The following TET3 variants were observed in gnomAD, a reference collection of about 807,000 sequenced individuals.
TET3 encodes tet methylcytosine dioxygenase 3, also known as methylcytosine dioxygenase TET3.
TET3 carries 19 observed loss-of-function variants against 141.4 expected under a neutral mutation model. The observed-to-expected ratio is 0.13, with a 90% confidence interval of 0.09 to 0.20. The LOEUF (loss-of-function observed/expected upper bound fraction) is 0.20, where lower values mean the gene tolerates loss of function less well. Ranked by LOEUF, TET3 falls within the 10% of genes least tolerant of loss-of-function variation. The probability of loss-of-function intolerance (pLI) is 1.00; values close to 1 mark genes in which losing one functional copy is unlikely to be tolerated. For synonymous variants in TET3, 1,043 were observed against 980.9 expected, an observed-to-expected ratio of 1.06 and a Z score of -1.18; for missense variants, 1,874 against 2,356.9, an observed-to-expected ratio of 0.80 and a Z score of 4.24.
At chr2:74,132,058 G>A in the TET3 span, among the ~76,000 whole-genome samples, 6 of 152,246 alleles carry the variant, frequency 3.9e-5, no homozygotes, top group South Asian at 1.2e-3. Flanking sequence ...GTTCCTAGGC[G>A]GCTTGGCCCA....
chr2:74,087,412 A>G lies in TET3; in HGVS notation c.2680-418A>G, dbSNP rs544033188. On this transcript the variant is annotated intron_variant, in intron 6 of 11. Transcript: ENST00000409262. The surrounding 1 kb of genome is among the most constrained non-coding windows in gnomAD (Gnocchi z 4.3). The stretch of plus-strand genomic sequence containing the variant: ...TGCCAGACTGTTTTCCACAGTGCCA[A>G]GCCCCTTGCATGTTAACTAAAAACA... Among the ~76,000 whole-genome samples the G allele has an allele frequency of 4.6e-5, 7 of 152,292 alleles. No individual in the cohort carries two copies. The South Asian group carries it at 1.5e-3, about 32-fold the overall frequency.
chr2:74,022,916 C>T (rs1686131913), intron 3 of TET3, among the ~76,000 whole-genome samples: 1 of 152,158 alleles, frequency 6.6e-6, no homozygotes, highest in South Asian at 2.1e-4. Flanking sequence ...GCTGGGACTA[C>T]AGGCACTCGC....
intron 4 of TET3, among the ~76,000 whole-genome samples, chr2:74,054,206 GCCAGAGAAA>G (rs1321803249): frequency 1.3e-5 from 2 of 152,128 alleles, no homozygotes; most frequent in African/African-American, 4.8e-5. Context: ...TGATACCAAA[GCCAGAGAAA>G]CCAGTTTGTA....
At position 74,071,309 on chromosome 2, in the gene TET3, A is replaced by G. The variant is rs577851158; in HGVS notation, c.2495-2240A>G. 2.6e-5 allele frequency among the ~76,000 whole-genome samples: 4 copies of G among 152,284 alleles called. No individual in the cohort carries two copies. In the South Asian group the frequency reaches 8.3e-4, roughly 32 times the overall value. Reference sequence around the variant, plus strand: ...AACATACAAATTTGGGAGGGACACAAACCTTCAGTCCACAGCAGGCTGTCT... The same window carrying G: ...AACATACAAATTTGGGAGGGACACAGACCTTCAGTCCACAGCAGGCTGTCT... On this transcript the variant is annotated intron_variant, in intron 4 of 11. Transcript: ENST00000409262.
the TET3 span, among the ~76,000 whole-genome samples, chr2:74,128,593 A>T: frequency 2.0e-5 from 3 of 152,148 alleles, no homozygotes; most frequent in Admixed American, 2.0e-4. Flanking sequence ...AATCAGGGAA[A>T]CTGGATGTGG....
chr2:74,085,531 G>A (rs899365992), intron 6 of TET3, among the ~76,000 whole-genome samples: 5 of 152,258 alleles, frequency 3.3e-5, no homozygotes, highest in Admixed American at 3.3e-4. Context: ...CTCTAAGGCA[G>A]TGGTCCCTAA....
At chr2:74,014,707 A>T (rs1194274759) in intron 3 of TET3, among the ~76,000 whole-genome samples, 1 of 152,142 alleles carries the variant, frequency 6.6e-6, no homozygotes, top group Non-Finnish European at 1.5e-5. Flanking sequence ...ATGCTGGGGC[A>T]GTGAGAGAAA....
chr2:74,086,867 G>A (rs556785655), intron 6 of TET3, among the ~76,000 whole-genome samples: 1 of 151,586 alleles, frequency 6.6e-6, no homozygotes, highest in East Asian at 1.9e-4. Context: ...GTACAGGTTG[G>A]TGGCATTAAG....
At chr2:74,134,897 C>T in the TET3 span, 1 of 393,600 alleles carries the variant, frequency 2.5e-6, no homozygotes. Context: ...TCCCACTGTC[C>T]CTGCTCCTCG....
At chr2:74,033,890 A>G (rs183124957) in intron 3 of TET3, among the ~76,000 whole-genome samples, 1 of 152,168 alleles carries the variant, frequency 6.6e-6, no homozygotes, top group Admixed American at 6.5e-5. Flanking sequence ...GAGGTCAGGA[A>G]TTCGAGACCA....
the TET3 span, among the ~76,000 whole-genome samples, chr2:74,125,311 T>C: frequency 1.4e-5 from 2 of 138,166 alleles, no homozygotes; most frequent in African/African-American, 5.5e-5. Flanking sequence ...ATTGTGGCGC[T>C]GTTTCTCCCT....
At chr2:74,021,824 G>C (rs1172814380) in intron 3 of TET3, among the ~76,000 whole-genome samples, 1 of 152,200 alleles carries the variant, frequency 6.6e-6, no homozygotes, top group Non-Finnish European at 1.5e-5. Flanking sequence ...ACTTGATCAG[G>C]ACTGAAAAGA....
chr2:74,108,440 CT>C (rs1286288456), downstream of TET3, among the ~76,000 whole-genome samples: 50 of 152,188 alleles, frequency 3.3e-4, no homozygotes, highest in Admixed American at 5.9e-4. Context: ...TTTTCTTTCC[CT>C]TTTATGTTTT....
Position 74,092,888 on chromosome 2 carries a change from C to T in TET3, c.3040-14C>T, listed in dbSNP as rs1209492926. The T allele has an allele frequency of 1.3e-6, 2 of 1,576,294 alleles. No individual in the cohort carries two copies. The highest frequency in any genetic ancestry group is 1.4e-5 in the African/African-American group (1 of 74,012). On this transcript the variant is annotated splice_polypyrimidine_tract_variant and intron_variant, in intron 8 of 11. Transcript: ENST00000409262. ...GGGGCTGCTCTGGATGTGTGACTGCCCCTCTCTCTGCAGGAAGAAGTGCTC... is the reference window on the plus strand; with the variant it reads ...GGGGCTGCTCTGGATGTGTGACTGCTCCTCTCTCTGCAGGAAGAAGTGCTC...
At chr2:74,076,726 G>C (rs1689536246) in intron 5 of TET3, among the ~76,000 whole-genome samples, 1 of 151,760 alleles carries the variant, frequency 6.6e-6, no homozygotes, top group South Asian at 2.1e-4. Context: ...CAAATCCCCT[G>C]GGTAGGGGTC....
chr2:74,090,605 G>C (rs143973974), intron 8 of TET3, among the ~76,000 whole-genome samples: 1 of 152,190 alleles, frequency 6.6e-6, no homozygotes, highest in Non-Finnish European at 1.5e-5. Context: ...CGCTAGGCAC[G>C]GCACCTTCTC....
chr2:74,124,079 G>T, the TET3 span, among the ~76,000 whole-genome samples: 1 of 151,440 alleles, frequency 6.6e-6, no homozygotes. Context: ...CCCCATCTGC[G>T]AAGTGAGGAG....
At position 74,046,234 on chromosome 2, in the gene TET3, T is replaced by C. The variant is rs747770905; in HGVS notation, c.361-44T>C. ...AAGCAGGGAAATGCTTTTCAAATAG[T>C]GTGGTTCATTTTTTTCCTTTTTCCC... On this transcript the variant is annotated intron_variant, in intron 3 of 11. Transcript: ENST00000409262. The surrounding 1 kb of genome is among the most constrained non-coding windows in gnomAD (Gnocchi z 4.3). 1 of 1,463,958 alleles carries C rather than the reference T, an allele frequency of 6.8e-7. No homozygotes were observed. Among genetic ancestry groups the C allele is most frequent in the Non-Finnish European group, 9.0e-7 (1 of 1,106,950 alleles). The allele number at this position is 1,463,958 out of a possible 1,614,324, so 90.7% of individuals were successfully genotyped here.
At chr2:74,020,095 A>G (rs561105676) in intron 3 of TET3, among the ~76,000 whole-genome samples, 2 of 152,154 alleles carry the variant, frequency 1.3e-5, no homozygotes, top group Admixed American at 6.5e-5. Context: ...TTCTTCTACT[A>G]TTCTCCTCCA....
Sources: gnomAD v4.1 joint callset for allele counts (sites outside exome capture counted in the v4.1 genomes callset) on GRCh38, gnomAD v4.1.1 for gene constraint, Gnocchi (gnomAD v3.1) non-coding constraint, MANE v1.5 for transcripts, NCBI Gene and HGNC (gene_info 2026-07-23, HGNC 2026-07-21) for gene names.